SLC35D2: variants seen among roughly 807,000 people sequenced by gnomAD.
SLC35D2 encodes the protein solute carrier family 35 member D2.
SLC35D2 carries 43 observed loss-of-function variants against 41.8 expected under a neutral mutation model. The ratio of observed to expected loss-of-function variants is 1.03; its 90% CI spans 0.81 to 1.33. The LOEUF is 1.33. Among genes scored for constraint, SLC35D2 ranks in the 40% most tolerant of loss-of-function variants. The pLI is 0.00. For synonymous variants in SLC35D2, 150 were observed against 163.9 expected, an observed-to-expected ratio of 0.92 and a Z score of 0.65; for missense variants, 380 against 408.4, an observed-to-expected ratio of 0.93 and a Z score of 0.60.
At chr9:96,366,936 T>C (rs561980974) in intron 2 of SLC35D2, among the ~76,000 whole-genome samples, 2 of 151,940 alleles carry the variant, frequency 1.3e-5, no homozygotes, top group Admixed American at 6.6e-5. Flanking sequence ...ATGATGTTTA[T>C]TTGGCCAGGC....
At chr9:96,372,429 T>TA (rs71308272) in intron 1 of SLC35D2, among the ~76,000 whole-genome samples, 3,845 of 151,998 alleles carry the variant, frequency 0.025, 70 homozygotes, top group Middle Eastern at 0.054. Flanking sequence ...CATAAAACCA[T>TA]AAAAAACATC....
At chr9:96,346,830 TAAA>T (rs71498993) in intron 6 of SLC35D2, among the ~76,000 whole-genome samples, 2 of 136,006 alleles carry the variant, frequency 1.5e-5, no homozygotes, top group Admixed American at 7.4e-5. Flanking sequence ...AGTCACAATT[TAAA>T]AAAAAAAAAA....
chr9:96,360,628 CAAAAAAAAAAAA>C (rs906000581), intron 3 of SLC35D2, among the ~76,000 whole-genome samples: 5 of 15,702 alleles, frequency 3.2e-4, no homozygotes, highest in Admixed American at 2.1e-3. Context: ...GACTTCATCT[CAAAAAAAAAAAA>C]AAAAAAAAAA....
chr9:96,321,240 C>T lies in SLC35D2; in HGVS notation c.*2G>A. ...TCAGTCTCCAATCCTGCTGCAGACT[C>T]TTTAGCTCTTCAAATCCAAACAGAT... On this transcript the variant is annotated 3_prime_UTR_variant, in exon 12 of 12. Coordinates refer to ENST00000253270, the MANE Select transcript of SLC35D2 (RefSeq NM_007001.3). The T allele has an allele frequency of 6.2e-7, 1 of 1,609,764 alleles. No individual in the cohort carries two copies. The highest frequency in any genetic ancestry group is 1.1e-5 in the South Asian group (1 of 90,980).
chr9:96,360,334 T>TA, intron 3 of SLC35D2, 113 bp from the exon 4 acceptor site: 1 of 870,264 alleles, frequency 1.1e-6, no homozygotes, highest in South Asian at 1.5e-5. Context: ...AAACAGGCAT[T>TA]AAAAAAATGA....
Position 96,351,120 on chromosome 9 carries a change from C to A in SLC35D2, c.471G>T (p.Gly157=). ...IILSVFAIIL[G]AFIAAGSDLA... is the part of the protein sequence containing the mutation. The stretch of plus-strand genomic sequence containing the variant: ...AGTCTTACCCAGCTGCTATGAAAGC[C>A]CCGAGAATAATGGCAAAGACACTGA... The change falls in exon 6 of 12, where the codon GGG becomes GGT. Residue 157 remains glycine, a synonymous_variant. Transcript: ENST00000253270. 6.2e-7 allele frequency: 1 copy of A among 1,612,212 alleles called. No homozygotes were observed. Among genetic ancestry groups the A allele is most frequent in the South Asian group, 1.1e-5 (1 of 91,016 alleles).
chr9:96,351,042 G>T, intron 6 of SLC35D2, 61 bp downstream of exon 6: 1 of 1,231,452 alleles, frequency 8.1e-7, no homozygotes, highest in East Asian at 2.3e-5. Flanking sequence ...CTGAGGATGG[G>T]GCTGGGCCTA....
intron 9 of SLC35D2, among the ~76,000 whole-genome samples, chr9:96,332,199 A>G (rs2130864960): frequency 6.6e-6 from 1 of 152,336 alleles, no homozygotes; most frequent in Admixed American, 6.5e-5. Flanking sequence ...CAATGAAAGC[A>G]GGTAAGAGGC....
chr9:96,316,142 T>C (rs1828046997), downstream of SLC35D2, among the ~76,000 whole-genome samples: 3 of 152,194 alleles, frequency 2.0e-5, no homozygotes, highest in South Asian at 2.1e-4. Context: ...ATTCTTTCCC[T>C]AGCTGTGTGC....
chr9:96,349,002 G>C (rs868590712), intron 6 of SLC35D2, among the ~76,000 whole-genome samples: 8 of 152,298 alleles, frequency 5.3e-5, no homozygotes, highest in Middle Eastern at 3.4e-3. Context: ...GAAGAGAGGG[G>C]CTGTGCCGGG....
intron 4 of SLC35D2, among the ~76,000 whole-genome samples, chr9:96,356,740 T>C (rs1202643000): frequency 6.8e-6 from 1 of 147,196 alleles, no homozygotes; most frequent in African/African-American, 2.4e-5. Flanking sequence ...CCAGGTGTGC[T>C]GGTGCTCACC....
intron 1 of SLC35D2, among the ~76,000 whole-genome samples, chr9:96,376,840 C>A (rs935532358): frequency 2.6e-5 from 4 of 151,522 alleles, no homozygotes; most frequent in Non-Finnish European, 5.9e-5. Context: ...GAACTCCTGA[C>A]CTCAAGTGAT....
chr9:96,381,191 C>T (rs1831184704), intron 1 of SLC35D2, among the ~76,000 whole-genome samples: 1 of 152,232 alleles, frequency 6.6e-6, no homozygotes, highest in Non-Finnish European at 1.5e-5. Flanking sequence ...TTGCATTTAG[C>T]ATGAAACTAC....
intron 9 of SLC35D2, among the ~76,000 whole-genome samples, chr9:96,327,689 A>G (rs1411358004): frequency 6.6e-6 from 1 of 150,562 alleles, no homozygotes; most frequent in African/African-American, 2.4e-5. Context: ...TGGTGTGATC[A>G]TGGTTCACTG....
At chr9:96,367,418 T>C (rs1384565038) in intron 2 of SLC35D2, among the ~76,000 whole-genome samples, 1 of 152,126 alleles carries the variant, frequency 6.6e-6, no homozygotes, top group African/African-American at 2.4e-5. Flanking sequence ...ATCACCAGTA[T>C]ACAACCACAA....
At chr9:96,326,832 G>T (rs909764316) in intron 9 of SLC35D2, among the ~76,000 whole-genome samples, 1 of 149,030 alleles carries the variant, frequency 6.7e-6, no homozygotes, top group Admixed American at 6.7e-5. Context: ...GAAAATCCAA[G>T]TTTCTCAAAT....
downstream of SLC35D2, among the ~76,000 whole-genome samples, chr9:96,317,168 A>C (rs4606184): frequency 0.53 from 80,829 of 151,524 alleles, 21,775 homozygotes; most frequent in African/African-American, 0.6. Flanking sequence ...AAACAGCAAG[A>C]AATAGTCCAA....
At chr9:96,375,508 A>G (rs1422083127) in intron 1 of SLC35D2, among the ~76,000 whole-genome samples, 3 of 151,248 alleles carry the variant, frequency 2.0e-5, no homozygotes, top group African/African-American at 7.3e-5. Context: ...AACCCAGGAG[A>G]TGGAGGTTGC....
At chr9:96,352,484 G>T (rs1332017462) in intron 4 of SLC35D2, among the ~76,000 whole-genome samples, 1 of 151,888 alleles carries the variant, frequency 6.6e-6, no homozygotes, top group African/African-American at 2.4e-5. Flanking sequence ...ACAACACCCG[G>T]CTAATTTTTG....
Sources: allele counts gnomAD v4.1 joint callset (sites outside exome capture counted in the v4.1 genomes callset), GRCh38; gene constraint gnomAD v4.1.1; transcripts MANE v1.5; gene names NCBI Gene and HGNC (gene_info 2026-07-23, HGNC 2026-07-21).